The following GRIK4 variants were observed in gnomAD, a reference collection of about 807,000 sequenced individuals.
GRIK4 encodes glutamate ionotropic receptor kainate type subunit 4, also known as glutamate receptor ionotropic, kainate 4.
Under a neutral mutation model 104.9 loss-of-function variants are expected in GRIK4, and 40 were observed. That is an observed-to-expected ratio of 0.38 (90% CI 0.30 to 0.50). GRIK4 has a LOEUF of 0.50. Among genes scored for constraint, GRIK4 ranks in the 20% least tolerant of loss-of-function variants. The probability of loss-of-function intolerance (pLI) is 0.93; values close to 1 mark genes in which losing one functional copy is unlikely to be tolerated. For synonymous variants in GRIK4, 485 were observed against 524.9 expected (o/e 0.92, Z 1.04); for missense variants, 1,047 against 1,308.1 (o/e 0.80, Z 3.08).
chr11:120,880,709 A>G (rs1255684318), intron 11 of GRIK4, among the ~76,000 whole-genome samples: 1 of 152,222 alleles, frequency 6.6e-6, no homozygotes, highest in Non-Finnish European at 1.5e-5. Context: ...ACTGCCTCTC[A>G]AGGGACACAT....
At chr11:120,704,123 G>C (rs1055552587) in intron 3 of GRIK4, among the ~76,000 whole-genome samples, 1 of 152,220 alleles carries the variant, frequency 6.6e-6, no homozygotes, top group Non-Finnish European at 1.5e-5. Flanking sequence ...TTGTGTTCTC[G>C]TGAGGGTCAA....
intron 1 of GRIK4, among the ~76,000 whole-genome samples, chr11:120,607,337 G>A (rs2135141162): frequency 6.6e-6 from 1 of 152,330 alleles, no homozygotes; most frequent in East Asian, 1.9e-4. Context: ...GTGAGGCAGG[G>A]AGGGGCACCT....
At chr11:120,977,578 C>A (rs1351438351) in intron 19 of GRIK4, among the ~76,000 whole-genome samples, 2 of 152,194 alleles carry the variant, frequency 1.3e-5, no homozygotes, top group Non-Finnish European at 2.9e-5. Flanking sequence ...TTCCTCTTTC[C>A]AATAACTTCC....
rs1399509627 is a variant in GRIK4 at position 120,644,187 on chromosome 11, C to T, written c.-158-9498C>T. On this transcript the variant is annotated intron_variant, in intron 1 of 20. Coordinates refer to ENST00000527524, the MANE Select transcript of GRIK4 (RefSeq NM_014619.5). Reference sequence around the variant, plus strand: ...AAGGACAAGGATACTGTATTTTTTACAAGATCTTATGCCTCGCACACATTA... The same window carrying T: ...AAGGACAAGGATACTGTATTTTTTATAAGATCTTATGCCTCGCACACATTA... 2.0e-5 allele frequency among the ~76,000 whole-genome samples: 3 copies of T among 152,104 alleles called. No individual in the cohort carries two copies. The East Asian group carries it at 5.8e-4, about 29-fold the overall frequency.
intron 13 of GRIK4, among the ~76,000 whole-genome samples, chr11:120,919,751 G>A (rs769848774): frequency 6.6e-6 from 1 of 152,188 alleles, no homozygotes; most frequent in Non-Finnish European, 1.5e-5. Flanking sequence ...AAGTGGTGGT[G>A]ATGGATTCAA....
At chr11:120,575,391 G>T (rs572303308) in intron 1 of GRIK4, among the ~76,000 whole-genome samples, 22 of 152,168 alleles carry the variant, frequency 1.4e-4, no homozygotes, top group African/African-American at 5.3e-4. Context: ...CATGGAACTT[G>T]TCTGCGTCGT....
chr11:120,539,886 TA>T (rs1186888154), intron 1 of GRIK4, among the ~76,000 whole-genome samples: 1 of 152,166 alleles, frequency 6.6e-6, no homozygotes, highest in African/African-American at 2.4e-5. Flanking sequence ...TTTTCAAGGT[TA>T]CCCACCAAAT....
At chr11:120,700,169 A>C (rs1351746304) in intron 3 of GRIK4, among the ~76,000 whole-genome samples, 5 of 152,146 alleles carry the variant, frequency 3.3e-5, no homozygotes, top group African/African-American at 1.2e-4. Flanking sequence ...TACTTATTTA[A>C]CAAAAACTCC....
chr11:120,766,056 G>A (rs191909620), intron 3 of GRIK4, among the ~76,000 whole-genome samples: 4 of 152,316 alleles, frequency 2.6e-5, no homozygotes, highest in Non-Finnish European at 4.4e-5. Flanking sequence ...GCCCACAGCC[G>A]CCCCTTCCCC....
intron 1 of GRIK4, among the ~76,000 whole-genome samples, chr11:120,531,760 G>A (rs1451640034): frequency 3.3e-5 from 5 of 151,972 alleles, no homozygotes; most frequent in African/African-American, 7.3e-5. Flanking sequence ...ATTTTTAGTA[G>A]AGACGGGTTT....
intron 3 of GRIK4, among the ~76,000 whole-genome samples, chr11:120,719,501 A>G (rs1434656433): frequency 6.6e-5 from 10 of 152,122 alleles, no homozygotes; most frequent in Non-Finnish European, 1.3e-4. Context: ...TCTTCTGGTA[A>G]AGTCAGACTG....
At chr11:120,572,559 C>T (rs1295504080) in intron 1 of GRIK4, among the ~76,000 whole-genome samples, 1 of 152,186 alleles carries the variant, frequency 6.6e-6, no homozygotes, top group Non-Finnish European at 1.5e-5. Flanking sequence ...AGGCTGCCTC[C>T]TCCTGTCTGG....
intron 3 of GRIK4, among the ~76,000 whole-genome samples, chr11:120,779,009 T>C (rs1414887517): frequency 3.9e-5 from 6 of 152,192 alleles, no homozygotes; most frequent in African/African-American, 1.4e-4. Context: ...GCACCTTGAC[T>C]GCTCTCCTGT....
At chr11:120,823,374 G>A (rs544457142) in intron 6 of GRIK4, among the ~76,000 whole-genome samples, 1 of 152,316 alleles carries the variant, frequency 6.6e-6, no homozygotes, top group East Asian at 1.9e-4. Flanking sequence ...CTTCCCATTA[G>A]AATTATGACA....
At chr11:120,541,444 G>A (rs997594310) in intron 1 of GRIK4, among the ~76,000 whole-genome samples, 2 of 152,158 alleles carry the variant, frequency 1.3e-5, no homozygotes, top group Admixed American at 1.3e-4. Context: ...AGTTGACCTG[G>A]ATAAGCTGTT....
intron 12 of GRIK4, among the ~76,000 whole-genome samples, chr11:120,900,320 T>C (rs1480287698): frequency 6.6e-6 from 1 of 152,184 alleles, no homozygotes; most frequent in Non-Finnish European, 1.5e-5. Flanking sequence ...GCTTAGGAAC[T>C]TGAATGCCAG....
chr11:120,685,014 G>A (rs752003054), intron 3 of GRIK4, among the ~76,000 whole-genome samples: 3 of 152,210 alleles, frequency 2.0e-5, no homozygotes, highest in Non-Finnish European at 4.4e-5. Flanking sequence ...TGCTTTTTAA[G>A]CTGTGAAGGA....
At position 120,802,784 on chromosome 11, in the gene GRIK4, G is replaced by A; in HGVS notation, c.174G>A (p.Arg58=). ...ACCGCATCAACCGCGCTCCTGAGAG[G>A]CTGGGCAAGGCCAAGGTCGAAGTGG... ...AKNRINRAPE[R]LGKAKVEVDI... The change falls in exon 4 of 21, where the codon AGG becomes AGA. Residue 58 remains arginine (R), a synonymous_variant. Transcript: ENST00000527524. 3 of 1,614,194 alleles carry A rather than the reference G, an allele frequency of 1.9e-6. No individual in the cohort carries two copies. Among genetic ancestry groups the A allele is most frequent in the Non-Finnish European group, 2.5e-6 (3 of 1,180,018 alleles).
chr11:120,713,136 G>A (rs77660984), intron 3 of GRIK4, among the ~76,000 whole-genome samples: 2 of 152,138 alleles, frequency 1.3e-5, no homozygotes, highest in East Asian at 3.8e-4. Context: ...AAAAACAAAT[G>A]AAAAAACAAA....
Sources: allele counts gnomAD v4.1 joint callset (sites outside exome capture counted in the v4.1 genomes callset), GRCh38; gene constraint gnomAD v4.1.1; transcripts MANE v1.5; gene names NCBI Gene and HGNC (gene_info 2026-07-23, HGNC 2026-07-21).